The following PCDH9 variants were observed in gnomAD, a reference collection of about 807,000 sequenced individuals.
PCDH9 encodes the protein protocadherin-9.
Under a neutral mutation model 70.6 loss-of-function variants are expected in PCDH9, and 24 were observed. The ratio of observed to expected loss-of-function variants is 0.34; its 90% CI spans 0.25 to 0.48. PCDH9 has a LOEUF of 0.48. PCDH9 is among the 20% of genes least tolerant of loss of function. The probability of loss-of-function intolerance (pLI) is 0.99; values close to 1 mark genes in which losing one functional copy is unlikely to be tolerated. For synonymous variants in PCDH9, 562 were observed against 558.5 expected (o/e 1.01, Z -0.09); for missense variants, 1,281 against 1,503.6 (o/e 0.85, Z 2.45).
intron 3 of PCDH9, among the ~76,000 whole-genome samples, chr13:66,902,402 A>G (rs189561065): frequency 6.6e-6 from 1 of 151,832 alleles, no homozygotes; most frequent in Non-Finnish European, 1.5e-5. Context: ...TATTAATCAA[A>G]GTAGTTTCTT....
intron 3 of PCDH9, among the ~76,000 whole-genome samples, chr13:66,823,404 CA>C (rs1430584793): frequency 1.3e-5 from 2 of 151,024 alleles, no homozygotes; most frequent in African/African-American, 4.9e-5. Context: ...ACTACACTAA[CA>C]GTATAAAATA....
chr13:66,635,378 T>C (rs1240993805), intron 3 of PCDH9, among the ~76,000 whole-genome samples: 2 of 152,126 alleles, frequency 1.3e-5, no homozygotes, highest in East Asian at 3.9e-4. Flanking sequence ...TACTAAGGCT[T>C]CCACACTTTA....
intron 2 of PCDH9, among the ~76,000 whole-genome samples, chr13:67,129,554 A>C (rs1241535890): frequency 6.6e-6 from 1 of 152,080 alleles, no homozygotes; most frequent in African/African-American, 2.4e-5. Flanking sequence ...AAAATAATAT[A>C]ATCATGAACC....
intron 3 of PCDH9, among the ~76,000 whole-genome samples, chr13:66,718,694 T>C (rs2078902890): frequency 6.6e-6 from 1 of 152,206 alleles, no homozygotes; most frequent in African/African-American, 2.4e-5. Flanking sequence ...ACAACCAAAA[T>C]GGTTCAAACT....
intron 4 of PCDH9, among the ~76,000 whole-genome samples, chr13:66,618,109 C>A (rs2077380962): frequency 6.6e-6 from 1 of 152,188 alleles, no homozygotes; most frequent in Admixed American, 6.5e-5. Flanking sequence ...CTCTAGCAAG[C>A]TACTCTGGCC....
chr13:66,697,076 C>A (rs1473141903), intron 3 of PCDH9, among the ~76,000 whole-genome samples: 1 of 151,894 alleles, frequency 6.6e-6, no homozygotes, highest in Non-Finnish European at 1.5e-5. Flanking sequence ...CTAGCCTAGG[C>A]AACTGAGCAA....
intron 3 of PCDH9, among the ~76,000 whole-genome samples, chr13:66,885,482 A>C (rs1261463967): frequency 1.3e-5 from 2 of 152,170 alleles, no homozygotes; most frequent in Non-Finnish European, 2.9e-5. Flanking sequence ...TTCTGTATTA[A>C]ATGTACTTAG....
rs1453784649 is a variant in PCDH9 at position 66,709,589 on chromosome 13, CA to C, written c.3139-78179del. ...AGTTACCAATAGGATGCTTTCCCAA[CA>C]AATAAGCAAACACCAAATCCGTCTT... On this transcript the variant is annotated intron_variant, in intron 3 of 4. Coordinates refer to ENST00000377865, the MANE Select transcript of PCDH9 (RefSeq NM_203487.3). Among the ~76,000 whole-genome samples the C allele has an allele frequency of 2.0e-5, 3 of 152,172 alleles. 1 individual carries two copies. Among genetic ancestry groups the C allele is most frequent in the Non-Finnish European group, 4.4e-5 (3 of 68,010 alleles).
intron 4 of PCDH9, among the ~76,000 whole-genome samples, chr13:66,448,276 C>G (rs180817564): frequency 6.2e-4 from 95 of 152,192 alleles, no homozygotes; most frequent in African/African-American, 2.1e-3. Context: ...AACCACAGTA[C>G]CCGACATACA....
intron 4 of PCDH9, among the ~76,000 whole-genome samples, chr13:66,464,314 T>C (rs1209516079): frequency 6.6e-6 from 1 of 151,700 alleles, no homozygotes; most frequent in Non-Finnish European, 1.5e-5. Context: ...GGAATGTCTA[T>C]CAAAACCAGA....
At chr13:67,161,607 C>T (rs903815258) in intron 2 of PCDH9, among the ~76,000 whole-genome samples, 3 of 152,290 alleles carry the variant, frequency 2.0e-5, no homozygotes, top group Admixed American at 6.5e-5. Context: ...CATACATAGA[C>T]TCACATGCAG....
rs2089891082 is a variant in PCDH9 at position 67,226,948 on chromosome 13, C to T, written c.1493G>A (p.Ser498Asn). 2 of 1,614,070 alleles carry T rather than the reference C, an allele frequency of 1.2e-6. No homozygotes were observed. Among genetic ancestry groups the T allele is most frequent in the South Asian group, 1.1e-5 (1 of 91,090 alleles). ...ATAAACAATGTCTGCATTTTTCCCA[C>T]TGTCTTCATCTGTGGCACTAATAGT... Reference protein sequence around the residue: ...LTTISATDEDSGKNADIVYQL... With the variant: ...LTTISATDEDNGKNADIVYQL... The change falls in exon 2 of 5, where the codon AGT (serine) becomes AAT (asparagine). Residue 498 changes from serine to asparagine, a missense_variant. Ser to Asn is a conservative substitution (Grantham distance 46). Around this residue, in one of 4 missense-constraint regions of PCDH9, gnomAD observed 798 missense variants for 1,003.1 expected, o/e 0.80. Transcript: ENST00000377865. This position sits in a 1 kb window ranked among gnomAD's most constrained non-coding sequence, Gnocchi z 5.0.
chr13:66,846,622 C>T (rs2081215080), intron 3 of PCDH9, among the ~76,000 whole-genome samples: 1 of 151,900 alleles, frequency 6.6e-6, no homozygotes, highest in Non-Finnish European at 1.5e-5. Context: ...CTTTCCTTCT[C>T]GTTCACTTCT....
rs577047326 is a variant in PCDH9 at position 67,042,440 on chromosome 13, C to T, written c.3037-138835G>A. ...AGAGCCCCTTATAAAACCATCAGAT[C>T]ATGCCAAAGGAGAAAAAGAATATAA... On this transcript the variant is annotated intron_variant, in intron 2 of 4. Transcript: ENST00000377865. Among the ~76,000 whole-genome samples, 12 of 152,180 alleles carry T rather than the reference C, an allele frequency of 7.9e-5. No homozygotes were observed. In the East Asian group the frequency reaches 2.1e-3, roughly 27 times the overall value.
chr13:66,431,895 G>T (rs1957776108), intron 4 of PCDH9, among the ~76,000 whole-genome samples: 1 of 151,952 alleles, frequency 6.6e-6, no homozygotes, highest in Admixed American at 6.6e-5. Flanking sequence ...AAAAAGACAA[G>T]TGGAATGACA....
chr13:67,051,410 T>TTTTTA (rs2085322322), intron 2 of PCDH9, among the ~76,000 whole-genome samples: 1 of 83,048 alleles, frequency 1.2e-5, no homozygotes. Flanking sequence ...TTTTTTTTTT[T>TTTTTA]GAGACAGAGT....
At chr13:66,923,871 ATT>A (rs1286211169) in intron 2 of PCDH9, among the ~76,000 whole-genome samples, 1 of 151,788 alleles carries the variant, frequency 6.6e-6, no homozygotes. Context: ...ACTATAAACT[ATT>A]TTATGAAAAT....
chr13:66,798,980 AT>A lies in PCDH9; in HGVS notation c.3138+104523del, dbSNP rs537361246. ...CAGCGCGTGCCACCAGGTCCAGTTA[AT>A]TTTTTGTATTTTTAGTAGAGACGGG... On this transcript the variant is annotated intron_variant, in intron 3 of 4. Transcript: ENST00000377865. Among the ~76,000 whole-genome samples, 82 of 151,922 alleles carry A rather than the reference AT, an allele frequency of 5.4e-4. 1 individual carries two copies. Among genetic ancestry groups the A allele is most frequent in the Admixed American group, 2.8e-3 (43 of 15,242 alleles).
chr13:66,334,300 C>T (rs2138126514), intron 4 of PCDH9, among the ~76,000 whole-genome samples: 1 of 152,172 alleles, frequency 6.6e-6, no homozygotes, highest in Admixed American at 6.5e-5. Context: ...ATTTGGCTTT[C>T]TGTCTGCTCA....
Sources: gnomAD v4.1 joint callset for allele counts (sites outside exome capture counted in the v4.1 genomes callset) on GRCh38, gnomAD v4.1.1 for gene constraint, gnomAD v4.1.1 regional missense constraint, Gnocchi (gnomAD v3.1) non-coding constraint, MANE v1.5 for transcripts, NCBI Gene and HGNC (gene_info 2026-07-23, HGNC 2026-07-21) for gene names.